The following WDR18 variants were observed in gnomAD, a reference collection of about 807,000 sequenced individuals.
WDR18 encodes WD repeat-containing protein 18.
A neutral mutation model predicts 49.6 loss-of-function variants in WDR18; 33 were observed. The ratio of observed to expected loss-of-function variants is 0.67; its 90% CI spans 0.50 to 0.89. The LOEUF is 0.89. WDR18 is among the 40% of genes least tolerant of loss of function. The probability of loss-of-function intolerance (pLI) is 0.00; values close to 1 mark genes in which losing one functional copy is unlikely to be tolerated. For synonymous variants in WDR18, 315 were observed against 263.6 expected (o/e 1.19, Z -1.89); for missense variants, 653 against 593.6 (o/e 1.10, Z -1.04).
In WDR18 at chr19:985,936, C is replaced by T. The variant is rs376429473; in HGVS notation, c.282C>T (p.Tyr94=). The change falls in exon 2 of 10, where the codon TAC becomes TAT. Residue 94 remains tyrosine, a synonymous_variant. Transcript: ENST00000585809. ...TGACTGCATCACCCAATGGTCTCTACGTCCTGGCAGGAGTTGCAGAAAGCA... is the reference window on the plus strand; with the variant it reads ...TGACTGCATCACCCAATGGTCTCTATGTCCTGGCAGGAGTTGCAGAAAGCA... ...TCLTASPNGL[Y]VLAGVAESIH... 2.1e-5 allele frequency: 34 copies of T among 1,613,876 alleles called. No homozygotes were observed. Among genetic ancestry groups the T allele is most frequent in the African/African-American group, 5.3e-5 (4 of 75,062 alleles).
At chr19:992,158 G>C (rs751195420) in intron 8 of WDR18, 37 bp downstream of exon 8, 148 of 1,417,436 alleles carry the variant, frequency 1.0e-4, no homozygotes, top group Middle Eastern at 2.5e-4. Flanking sequence ...CTGCCCTTTT[G>C]TCCCGGAAGA....
chr19:985,820 C>G lies in WDR18; in HGVS notation c.211-45C>G, dbSNP rs776771544. ...CTCGCCCTCCACTGCTGTAGTAGCT[C>G]CCGTGTCCTGCATGGGGCTCACGAG... On this transcript the variant is annotated intron_variant, in intron 1 of 9. Transcript: ENST00000585809. 7.5e-6 allele frequency: 12 copies of G among 1,597,162 alleles called. No individual in the cohort carries two copies. In the South Asian group the frequency reaches 1.1e-4, roughly 15 times the overall value.
intron 3 of WDR18, 76 bp downstream of exon 3, chr19:989,971 C>T: frequency 2.6e-6 from 4 of 1,525,442 alleles, no homozygotes; most frequent in Non-Finnish European, 3.5e-6. Context: ...GCCAAGGCCC[C>T]TGGCGGGAAG....
intron 2 of WDR18, among the ~76,000 whole-genome samples, chr19:988,624 C>G (rs757350064): frequency 6.6e-6 from 1 of 152,196 alleles, no homozygotes; most frequent in Non-Finnish European, 1.5e-5. Flanking sequence ...AACAGAAACT[C>G]GGCCCCCATC....
At chr19:988,580 C>T (rs1238324667) in intron 2 of WDR18, among the ~76,000 whole-genome samples, 2 of 152,204 alleles carry the variant, frequency 1.3e-5, no homozygotes, top group African/African-American at 4.8e-5. Flanking sequence ...GCTCTGCCTG[C>T]CCCAACAAAG....
In WDR18 at chr19:990,105, T is replaced by A; in HGVS notation, c.456-118T>A. On this transcript the variant is annotated intron_variant, in intron 3 of 9. Transcript: ENST00000585809. The stretch of plus-strand genomic sequence containing the variant: ...GGGCCCAGCCTTGAGTTTACTCAGG[T>A]GAGGCAGGCCAGGCTGCTGAGTGGA... The A allele has an allele frequency of 2.1e-6, 3 of 1,399,604 alleles. No homozygotes were observed. The Admixed American group carries it at 7.8e-5, about 36-fold the overall frequency. The allele number at this position is 1,399,604 out of a possible 1,614,324, so 86.7% of individuals were successfully genotyped here.
chr19:986,012 A>G (rs1214774634), intron 2 of WDR18, 37 bp downstream of exon 2: 1 of 1,594,068 alleles, frequency 6.3e-7, no homozygotes, highest in African/African-American at 1.3e-5. Context: ...CCCACAGGAC[A>G]TCTCAGCCCA....
At chr19:984,295 G>A (rs977411992), upstream of WDR18, 8 of 1,477,852 alleles carry the variant, frequency 5.4e-6, no homozygotes, top group Non-Finnish European at 7.2e-6. Context: ...GGCCCGCGTG[G>A]GGCAGTCGTC....
At chr19:993,767 C>G (rs2038592184) in intron 8 of WDR18, among the ~76,000 whole-genome samples, 1 of 152,218 alleles carries the variant, frequency 6.6e-6, no homozygotes, top group South Asian at 2.1e-4. Context: ...CACCCCCATC[C>G]CCAGCCACAT....
upstream of WDR18, chr19:984,270 CG>C: frequency 7.5e-7 from 1 of 1,342,116 alleles, no homozygotes; most frequent in South Asian, 1.7e-5. Context: ...GCTGGGGCCG[CG>C]GGGCCGCCGC....
chr19:989,237 A>G (rs1057258415), intron 2 of WDR18, among the ~76,000 whole-genome samples: 6 of 144,514 alleles, frequency 4.2e-5, no homozygotes, highest in African/African-American at 1.3e-4. Context: ...AACCCCCACC[A>G]GAGCATCTCA....
chr19:989,088 A>AC lies in WDR18; in HGVS notation c.322-674_322-673insC, dbSNP rs1568384609. Among the ~76,000 whole-genome samples the AC allele has an allele frequency of 7.2e-3, 74 of 10,284 alleles. 1 individual carries two copies. The highest frequency in any genetic ancestry group is 0.011 in the Non-Finnish European group (53 of 4,668). 6.7% of individuals were successfully genotyped at this position (10,284 alleles called of 152,430 possible). On this transcript the variant is annotated intron_variant, in intron 2 of 9. Transcript: ENST00000585809. ...AGAGCTTCTCAGCCCTCGAACCCAC[A>AC]ACCCCCCAGAGCATCTCAGCCCTCG...
intron 2 of WDR18, among the ~76,000 whole-genome samples, chr19:987,699 T>C (rs1193641167): frequency 6.6e-6 from 1 of 152,010 alleles, no homozygotes; most frequent in Non-Finnish European, 1.5e-5. Context: ...CAGAGGGGCA[T>C]GTGGGTAGGA....
chr19:984,697 C>T (rs1420976451), intron 1 of WDR18, 134 bp downstream of exon 1: 16 of 921,362 alleles, frequency 1.7e-5, no homozygotes, highest in Non-Finnish European at 2.4e-5. Context: ...TTCGGGCGCT[C>T]TGCGCATGCG....
intron 2 of WDR18, among the ~76,000 whole-genome samples, chr19:988,942 ACTTTTAACATG>A (rs2038504629): frequency 6.6e-6 from 1 of 152,058 alleles, no homozygotes; most frequent in Non-Finnish European, 1.5e-5. Flanking sequence ...CCAGGTCGGG[ACTTTTAACATG>A]CTTTTGGGGG....
chr19:994,357 C>G lies in WDR18; in HGVS notation c.*13C>G. The G allele has an allele frequency of 7.5e-6, 12 of 1,603,120 alleles. No individual in the cohort carries two copies. The highest frequency in any genetic ancestry group is 6.8e-6 in the Non-Finnish European group (8 of 1,176,540). The stretch of plus-strand genomic sequence containing the variant: ...GCCGGCCAAGTGAGGCCCGGAGACC[C>G]CGGCCCGAGGCGCCCAGGCCTGAGC... On this transcript the variant is annotated 3_prime_UTR_variant, in exon 10 of 10. Transcript: ENST00000585809.
chr19:984,538 T>C lies in WDR18; in HGVS notation c.185T>C (p.Ile62Thr). The C allele has an allele frequency of 6.6e-7, 1 of 1,516,798 alleles. No homozygotes were observed. The highest frequency in any genetic ancestry group is 8.8e-7 in the Non-Finnish European group (1 of 1,131,500). 94.0% of individuals were successfully genotyped at this position (1,516,798 alleles called of 1,614,324 possible). The change falls in exon 1 of 10, where the codon ATC becomes ACC. Residue 62 changes from isoleucine to threonine, a missense_variant. Transcript: ENST00000585809. ...LLAAQLGKNY[I>T]SAWELQRKDQ... ...GCGGCGCAGCTGGGCAAGAATTACA[T>C]CAGCGCCTGGGAGCTCCAGCGGAAG... is the stretch of plus-strand genomic sequence containing the variant.
At chr19:984,309 G>A (rs369584098), upstream of WDR18, 1 of 1,519,154 alleles carries the variant, frequency 6.6e-7, no homozygotes, top group Non-Finnish European at 8.8e-7. Flanking sequence ...AGTCGTCCGC[G>A]TCTCGCTCAT....
Position 991,369 on chromosome 19 carries a change from C to CG in WDR18, c.931+20dup. ...CCTCAAAGGTGGGCGCGCCTCTGCT[C>CG]GGCCCGCGGCCAGCGCGCAGGGGAA... is the stretch of plus-strand genomic sequence containing the variant. On this transcript the variant is annotated intron_variant, in intron 7 of 9. Transcript: ENST00000585809. 6.6e-7 allele frequency: 1 copy of CG among 1,510,180 alleles called. No homozygotes were observed. Among genetic ancestry groups the CG allele is most frequent in the Non-Finnish European group, 8.9e-7 (1 of 1,125,156 alleles). 93.5% of individuals were successfully genotyped at this position (1,510,180 alleles called of 1,614,324 possible).
Sources: allele counts gnomAD v4.1 joint callset (sites outside exome capture counted in the v4.1 genomes callset), GRCh38; gene constraint gnomAD v4.1.1; transcripts MANE v1.5; gene names NCBI Gene and HGNC (gene_info 2026-07-23, HGNC 2026-07-21).